The following GSAP variants were observed in gnomAD, a reference collection of about 807,000 sequenced individuals.
GSAP encodes gamma-secretase-activating protein.
In GSAP, 118 loss-of-function variants were observed where a neutral mutation model predicts 131.7. That is an observed-to-expected ratio of 0.90 (90% confidence interval 0.77 to 1.04). The LOEUF is 1.04. Ranked by LOEUF, GSAP falls within the 50% of genes least tolerant of loss-of-function variation. The pLI is 0.00. For missense variants in GSAP, 1,019 were observed against 1,013.2 expected, an observed-to-expected ratio of 1.01 and a Z score of -0.08; for synonymous variants, 381 against 363.4, an observed-to-expected ratio of 1.05 and a Z score of -0.55.
Position 77,320,715 on chromosome 7 carries a change from C to A in GSAP, c.2089+10G>T, listed in dbSNP as rs769013445. On this transcript the variant is annotated intron_variant, in intron 26 of 30. Transcript: ENST00000257626. ...TTATTATACCAAAGGACAAAAGAGC[C>A]AACACTTACCAGGAGGCAGAGGTAA... 2.5e-5 allele frequency: 38 copies of A among 1,503,398 alleles called. No homozygotes were observed. The highest frequency in any genetic ancestry group is 3.2e-5 in the Non-Finnish European group (35 of 1,079,324). The allele number at this position is 1,503,398 out of a possible 1,614,324, so 93.1% of individuals were successfully genotyped here. A position where few individuals can be genotyped will look rare whatever the true frequency, so the allele number is the denominator to read the frequency against.
chr7:77,395,538 G>A (rs1800227371), intron 5 of GSAP, among the ~76,000 whole-genome samples: 1 of 152,150 alleles, frequency 6.6e-6, no homozygotes, highest in Non-Finnish European at 1.5e-5. Context: ...CTGGGAAAAG[G>A]AGGACATGGC....
At chr7:77,396,927 C>A in intron 5 of GSAP, 55 bp downstream of exon 5, 1 of 877,070 alleles carries the variant, frequency 1.1e-6, no homozygotes, top group South Asian at 1.7e-5. Flanking sequence ...TATAATAAAT[C>A]ATCTACCAAT....
intron 14 of GSAP, among the ~76,000 whole-genome samples, chr7:77,360,088 A>G (rs1794312467): frequency 6.6e-6 from 1 of 152,222 alleles, no homozygotes; most frequent in African/African-American, 2.4e-5. Flanking sequence ...AACATGCATC[A>G]TGACAGTGGA....
At chr7:77,337,840 T>C (rs888255529) in intron 19 of GSAP, among the ~76,000 whole-genome samples, 2 of 152,218 alleles carry the variant, frequency 1.3e-5, no homozygotes, top group Non-Finnish European at 2.9e-5. Context: ...ATAGTTTTAA[T>C]GGTTTTTCTT....
chr7:77,363,508 A>G (rs920952963), intron 12 of GSAP, among the ~76,000 whole-genome samples: 1 of 152,248 alleles, frequency 6.6e-6, no homozygotes, highest in Non-Finnish European at 1.5e-5. Flanking sequence ...AACGTTAACT[A>G]GCTGTGTGAA....
intron 3 of GSAP, among the ~76,000 whole-genome samples, chr7:77,398,687 G>C (rs1202004029): frequency 2.0e-5 from 3 of 152,050 alleles, no homozygotes; most frequent in Non-Finnish European, 4.4e-5. Context: ...AGGATTACTT[G>C]AGCCCAGGAG....
rs774498867 is a variant in GSAP at position 77,374,125 on chromosome 7, T to G, written c.816A>C (p.Gln272His). The change falls in exon 12 of 31, where the codon CAA becomes CAC. Residue 272 changes from glutamine (Q) to histidine (H), a missense_variant. Gln to His is a conservative substitution (Grantham distance 24). Coordinates refer to ENST00000257626, the MANE Select transcript of GSAP (RefSeq NM_017439.4). ...GGTGTTTGGAAAATTTATCTCGGTA[T>G]TGATGATAATCACATCCAAAGTTGA... ...KLVNFGCDYH[Q>H]YRDKFSKHLT... 65 of 1,592,164 alleles carry G rather than the reference T, an allele frequency of 4.1e-5. 1 individual carries two copies. In the Admixed American group the frequency reaches 1.1e-3, roughly 26 times the overall value.
chr7:77,398,257 G>A (rs1053040674), intron 3 of GSAP, among the ~76,000 whole-genome samples: 8 of 152,096 alleles, frequency 5.3e-5, no homozygotes, highest in African/African-American at 1.2e-4. Context: ...AAAAAGTATC[G>A]AAAACACACC....
At chr7:77,364,574 A>G (rs1795003157) in intron 12 of GSAP, among the ~76,000 whole-genome samples, 1 of 151,240 alleles carries the variant, frequency 6.6e-6, no homozygotes, top group South Asian at 2.1e-4. Context: ...CTAATGCTAA[A>G]TGACAAGTTA....
chr7:77,360,527 T>A (rs909497645), intron 14 of GSAP, among the ~76,000 whole-genome samples: 2 of 152,234 alleles, frequency 1.3e-5, no homozygotes, highest in African/African-American at 4.8e-5. Flanking sequence ...ATCATTTTTA[T>A]GTTAACAAAT....
In GSAP at chr7:77,313,575, A is replaced by G. The variant is rs201143399; in HGVS notation, c.2210-26T>C. The G allele has an allele frequency of 1.0e-4, 109 of 1,094,094 alleles. No individual in the cohort carries two copies. In the African/African-American group the frequency reaches 1.4e-3, roughly 14 times the overall value. The allele number at this position is 1,094,094 out of a possible 1,614,324, so 67.8% of individuals were successfully genotyped here. A position where few individuals can be genotyped will look rare whatever the true frequency, so the allele number is the denominator to read the frequency against. ...CTACAAGAAAGTTAGAGATTAGCAA[A>G]TGAAACAAATACCCATTTTGATACT... On this transcript the variant is annotated intron_variant, in intron 27 of 30. Coordinates refer to ENST00000257626, the MANE Select transcript of GSAP (RefSeq NM_017439.4).
chr7:77,328,593 G>A lies in GSAP; in HGVS notation c.1765+13C>T, dbSNP rs1162987339. 6.2e-7 allele frequency: 1 copy of A among 1,610,162 alleles called. No individual in the cohort carries two copies. Among genetic ancestry groups the A allele is most frequent in the South Asian group, 1.1e-5 (1 of 90,236 alleles). On this transcript the variant is annotated intron_variant, in intron 22 of 30. Transcript: ENST00000257626. ...CTGGAACCCAGAAGGCTTTATTACAGATCTTTTCTTACCCAAATTTCTTGC... is the reference window on the plus strand; with the variant it reads ...CTGGAACCCAGAAGGCTTTATTACAAATCTTTTCTTACCCAAATTTCTTGC...
intron 12 of GSAP, among the ~76,000 whole-genome samples, chr7:77,372,578 A>C (rs1796293872): frequency 6.6e-6 from 1 of 152,194 alleles, no homozygotes; most frequent in Non-Finnish European, 1.5e-5. Flanking sequence ...CTATTTTTGA[A>C]TGGACTTGGT....
chr7:77,334,944 G>A (rs1043319387), intron 19 of GSAP, among the ~76,000 whole-genome samples: 2 of 151,998 alleles, frequency 1.3e-5, no homozygotes, highest in Non-Finnish European at 2.9e-5. Context: ...TTAGCCGGGT[G>A]TGGTGGCGGG....
chr7:77,331,315 T>A (rs952609984), intron 19 of GSAP, among the ~76,000 whole-genome samples: 1 of 151,960 alleles, frequency 6.6e-6, no homozygotes, highest in African/African-American at 2.4e-5. Context: ...AAAATAAAAA[T>A]AAAAAAATAC....
At chr7:77,416,589 G>C (rs1243832488), upstream of GSAP, 1 of 324,714 alleles carries the variant, frequency 3.1e-6, no homozygotes, top group East Asian at 5.0e-5. Flanking sequence ...CAGGCCCGCC[G>C]GGGCGGGAGG....
At chr7:77,355,675 T>A (rs1312353446) in intron 14 of GSAP, 28 bp from the exon 15 acceptor site, 1 of 1,229,412 alleles carries the variant, frequency 8.1e-7, no homozygotes, top group African/African-American at 1.5e-5. Flanking sequence ...TTACATCATC[T>A]ACATGTGGTA....
At chr7:77,326,380 A>AT (rs1788335685) in intron 22 of GSAP, 107 bp from the exon 23 acceptor site, 1 of 711,320 alleles carries the variant, frequency 1.4e-6, no homozygotes, top group Admixed American at 2.7e-5. Context: ...TTGAGAAAAC[A>AT]TAACACAGGA....
chr7:77,370,184 G>A (rs189034554), intron 12 of GSAP, among the ~76,000 whole-genome samples: 10 of 152,198 alleles, frequency 6.6e-5, no homozygotes, highest in African/African-American at 1.7e-4. Flanking sequence ...GGGGCCAGGC[G>A]CGGTGGCTCA....
Sources: allele counts gnomAD v4.1 joint callset (sites outside exome capture counted in the v4.1 genomes callset), GRCh38; gene constraint gnomAD v4.1.1; transcripts MANE v1.5; gene names NCBI Gene and HGNC (gene_info 2026-07-23, HGNC 2026-07-21).